MCOLN2: variants seen among roughly 807,000 people sequenced by gnomAD.
MCOLN2 encodes the protein mucolipin-2.
MCOLN2 carries 57 observed loss-of-function variants against 67.5 expected under a neutral mutation model. That is an observed-to-expected ratio of 0.84 (90% CI 0.68 to 1.05). MCOLN2 has a LOEUF of 1.05. Among genes scored for constraint, MCOLN2 ranks in the 50% least tolerant of loss-of-function variants. The pLI, the probability that MCOLN2 is intolerant of heterozygous loss-of-function variation, is 0.00. For synonymous variants in MCOLN2, 246 were observed against 233.3 expected (o/e 1.05, Z -0.50); for missense variants, 620 against 678.8 (o/e 0.91, Z 0.96).
intron 1 of MCOLN2, among the ~76,000 whole-genome samples, chr1:84,966,189 T>C (rs1649373887): frequency 1.3e-5 from 2 of 151,816 alleles, no homozygotes; most frequent in African/African-American, 2.4e-5. Flanking sequence ...GAGATGGAGG[T>C]TGCAGTGAGC....
At chr1:84,936,553 G>A (rs1247844615) in intron 11 of MCOLN2, among the ~76,000 whole-genome samples, 2 of 152,180 alleles carry the variant, frequency 1.3e-5, no homozygotes, top group African/African-American at 4.8e-5. Context: ...CACCTTTAAA[G>A]CAGTGACATG....
intron 7 of MCOLN2, among the ~76,000 whole-genome samples, chr1:84,944,496 C>T (rs1045323359): frequency 6.6e-6 from 1 of 152,016 alleles, no homozygotes; most frequent in African/African-American, 2.4e-5. Context: ...CGTGCCACTG[C>T]ACTCCAGCCT....
chr1:84,983,447 T>G (rs1650356596), intron 1 of MCOLN2, among the ~76,000 whole-genome samples: 2 of 151,890 alleles, frequency 1.3e-5, no homozygotes, highest in Non-Finnish European at 2.9e-5. Context: ...TTTTTATTTT[T>G]TTGTAGAGAT....
At chr1:84,970,722 C>CAATAAA (rs1649635436) in intron 1 of MCOLN2, among the ~76,000 whole-genome samples, 1 of 152,068 alleles carries the variant, frequency 6.6e-6, no homozygotes, top group Admixed American at 6.6e-5. Context: ...CCTTGTGAGC[C>CAATAAA]ATGCTCTGCT....
At chr1:84,953,962 G>A (rs1435839138) in intron 4 of MCOLN2, among the ~76,000 whole-genome samples, 2 of 152,170 alleles carry the variant, frequency 1.3e-5, no homozygotes, top group Admixed American at 1.3e-4. Flanking sequence ...GCAGTGCCTG[G>A]CACCTAGTAG....
intron 2 of MCOLN2, among the ~76,000 whole-genome samples, chr1:84,964,540 T>A (rs1181923289): frequency 2.2e-5 from 3 of 137,388 alleles, no homozygotes; most frequent in Non-Finnish European, 4.8e-5. Context: ...GGGGGGTGGG[T>A]AATGGTTTCA....
At chr1:84,944,268 C>G (rs1471520908) in intron 7 of MCOLN2, among the ~76,000 whole-genome samples, 1 of 152,112 alleles carries the variant, frequency 6.6e-6, no homozygotes, top group African/African-American at 2.4e-5. Flanking sequence ...GGCGCGGTGG[C>G]TCACGCCTGT....
At position 84,996,860 on chromosome 1, in the gene MCOLN2, G is replaced by C. The variant is rs778739853; in HGVS notation, c.13C>G (p.Pro5Ala). MARQ[P>A]YRFPQARIPE... ...ATCCTTGCCTGGGGAAAACGATAAG[G>C]CTGCCGGGCCATGCCTCCTCCTTCA... Residue 5 changes from proline to alanine, a missense_variant, in exon 1 of 14, where the codon CCT (proline) becomes GCT (alanine). Pro to Ala is a conservative substitution (Grantham distance 27). Transcript: ENST00000370608. 5.0e-6 allele frequency: 8 copies of C among 1,613,990 alleles called. No homozygotes were observed. Among genetic ancestry groups the C allele is most frequent in the Non-Finnish European group, 6.8e-6 (8 of 1,179,994 alleles).
intron 2 of MCOLN2, among the ~76,000 whole-genome samples, chr1:84,965,027 A>G (rs4907015): frequency 0.28 from 42,772 of 152,052 alleles, 6,491 homozygotes; most frequent in East Asian, 0.37. Context: ...CCCCAAAACT[A>G]GAGGAAAACT....
At chr1:84,972,732 C>T (rs946976783) in intron 1 of MCOLN2, among the ~76,000 whole-genome samples, 1 of 152,182 alleles carries the variant, frequency 6.6e-6, no homozygotes, top group Non-Finnish European at 1.5e-5. Flanking sequence ...GCAATTTCAG[C>T]TTTATCAAAA....
intron 2 of MCOLN2, among the ~76,000 whole-genome samples, chr1:84,964,399 C>T (rs1002293197): frequency 4.6e-5 from 7 of 152,078 alleles, no homozygotes; most frequent in African/African-American, 9.7e-5. Context: ...AGCCAAATAT[C>T]CCCAATCAGT....
At chr1:84,936,876 C>T (rs189330160) in intron 11 of MCOLN2, among the ~76,000 whole-genome samples, 6 of 152,288 alleles carry the variant, frequency 3.9e-5, no homozygotes, top group African/African-American at 1.4e-4. Flanking sequence ...CATTTTTAAC[C>T]TCTTTTCTCC....
At position 84,965,724 on chromosome 1, in the gene MCOLN2, A is replaced by G. The variant is rs745829205; in HGVS notation, c.78-16T>C. 1.1e-5 allele frequency: 17 copies of G among 1,607,680 alleles called. No homozygotes were observed. The East Asian group carries it at 2.7e-4, about 25-fold the overall frequency. On this transcript the variant is annotated splice_polypyrimidine_tract_variant and intron_variant, in intron 1 of 13. Coordinates refer to ENST00000370608, the MANE Select transcript of MCOLN2 (RefSeq NM_153259.4). ...CATTGCATTTCTGCCACAGAAGATT[A>G]ATTTTAAATATCCAGGAAAGCCTCT...
At chr1:84,933,208 C>T (rs1352953524) in intron 11 of MCOLN2, among the ~76,000 whole-genome samples, 1 of 152,196 alleles carries the variant, frequency 6.6e-6, no homozygotes, top group Non-Finnish European at 1.5e-5. Flanking sequence ...TTTCTCTGCA[C>T]TCCGTATCGG....
At chr1:84,958,448 A>G (rs949764302) in intron 3 of MCOLN2, 81 bp downstream of exon 3, 6 of 1,143,444 alleles carry the variant, frequency 5.2e-6, no homozygotes, top group African/African-American at 4.9e-5. Context: ...TAACATGTGT[A>G]TAATTTTTGT....
intron 13 of MCOLN2, among the ~76,000 whole-genome samples, chr1:84,928,255 T>C (rs1006217496): frequency 1.3e-5 from 2 of 152,222 alleles, no homozygotes; most frequent in African/African-American, 2.4e-5. Context: ...CTCAAATTCT[T>C]TCACTCTTCA....
chr1:84,928,508 T>G (rs1237628250), intron 13 of MCOLN2, among the ~76,000 whole-genome samples: 1 of 152,210 alleles, frequency 6.6e-6, no homozygotes, highest in Non-Finnish European at 1.5e-5. Flanking sequence ...GACCTATCGT[T>G]TACTTTTTAG....
At chr1:84,960,995 A>G (rs1557649650) in intron 2 of MCOLN2, among the ~76,000 whole-genome samples, 1 of 152,206 alleles carries the variant, frequency 6.6e-6, no homozygotes, top group Middle Eastern at 3.2e-3. Flanking sequence ...CTATTATTAC[A>G]CTGGGCTCTG....
chr1:84,941,369 C>G lies in MCOLN2; in HGVS notation c.848-378G>C, dbSNP rs678065. Among the ~76,000 whole-genome samples the G allele has an allele frequency of 3.9e-5, 6 of 152,070 alleles. 1 individual carries two copies. The South Asian group carries it at 1.2e-3, about 32-fold the overall frequency. ...AAAATTAGCCAGGTGTGGTGGCAGG[C>G]GCCTGTAGTCCCAGCTACTTGGGAG... On this transcript the variant is annotated intron_variant, in intron 7 of 13. Transcript: ENST00000370608.
Sources: allele counts gnomAD v4.1 joint callset (sites outside exome capture counted in the v4.1 genomes callset), GRCh38; gene constraint gnomAD v4.1.1; transcripts MANE v1.5; gene names NCBI Gene and HGNC (gene_info 2026-07-23, HGNC 2026-07-21).